UBE2K: variants seen among roughly 807,000 people sequenced by gnomAD.
UBE2K encodes the protein ubiquitin conjugating enzyme E2 K, also known as ubiquitin-conjugating enzyme E2 K.
In UBE2K, 6 loss-of-function variants were observed where a neutral mutation model predicts 30.0. The observed-to-expected ratio is 0.20, with a 90% CI of 0.11 to 0.39. UBE2K has a LOEUF of 0.39. UBE2K is among the 10% of genes least tolerant of loss of function. UBE2K has a pLI of 1.00. For synonymous variants in UBE2K, 86 were observed against 83.7 expected, an observed-to-expected ratio of 1.03 and a Z score of -0.15; for missense variants, 61 against 241.6, an observed-to-expected ratio of 0.25 and a Z score of 4.96.
rs774696556 is a variant in UBE2K, at chr4:39,756,715, CAT to C, written c.299+977_299+978del. Among the ~76,000 whole-genome samples the C allele has an allele frequency of 3.9e-5, 6 of 152,220 alleles. No homozygotes were observed. In the South Asian group the frequency reaches 1.2e-3, roughly 32 times the overall value. ...AAAGATGATAGTTAATTATTTAGCA[CAT>C]GATTTTATAGATGGAAAAACTAAGA... On this transcript the variant is annotated intron_variant, in intron 4 of 6. Transcript: ENST00000261427.
rs1353506902 is a variant in UBE2K, at chr4:39,769,227, TTC to T, written c.300-5606_300-5605del. On this transcript the variant is annotated intron_variant, in intron 4 of 6. Coordinates refer to ENST00000261427, the MANE Select transcript of UBE2K (RefSeq NM_005339.5). Reference sequence around the variant, plus strand: ...AGTTTCTTTTTGTTTTTTTTTTTTTTTCGTTTTGTTTTTTGTTTTTTATTTTG... The same window carrying T: ...AGTTTCTTTTTGTTTTTTTTTTTTTTGTTTTGTTTTTTGTTTTTTATTTTG... Among the ~76,000 whole-genome samples the T allele has an allele frequency of 9.8e-4, 148 of 150,862 alleles. 3 individuals are homozygous for T. The South Asian group carries it at 0.015, about 16-fold the overall frequency.
chr4:39,742,079 A>G (rs1720731103), intron 2 of UBE2K, among the ~76,000 whole-genome samples: 1 of 152,100 alleles, frequency 6.6e-6, no homozygotes, highest in Non-Finnish European at 1.5e-5. Flanking sequence ...CATTATTTAT[A>G]TAATATCTGT....
intron 1 of UBE2K, among the ~76,000 whole-genome samples, chr4:39,711,298 G>T (rs1364563304): frequency 6.6e-6 from 1 of 150,954 alleles, no homozygotes; most frequent in Non-Finnish European, 1.5e-5. Flanking sequence ...GAGTATCTGG[G>T]ACTACAGGCG....
intron 1 of UBE2K, among the ~76,000 whole-genome samples, chr4:39,734,646 A>G (rs1720257670): frequency 6.6e-6 from 1 of 152,006 alleles, no homozygotes; most frequent in South Asian, 2.1e-4. Context: ...CCCCCTCTCT[A>G]CTAAAAATTT....
intron 1 of UBE2K, among the ~76,000 whole-genome samples, chr4:39,700,125 A>G (rs1717926220): frequency 6.6e-6 from 1 of 152,174 alleles, no homozygotes; most frequent in African/African-American, 2.4e-5. Flanking sequence ...TTACGGTAAC[A>G]GAAACAGTAA....
intron 1 of UBE2K, among the ~76,000 whole-genome samples, chr4:39,706,774 A>G (rs1262795591): frequency 6.6e-6 from 1 of 152,068 alleles, no homozygotes; most frequent in Non-Finnish European, 1.5e-5. Context: ...CATTATTAAC[A>G]GTTACCGAAC....
chr4:39,699,730 A>G (rs1015937342), intron 1 of UBE2K, among the ~76,000 whole-genome samples: 3 of 152,212 alleles, frequency 2.0e-5, no homozygotes, highest in African/African-American at 7.2e-5. Context: ...CATTCTAAGT[A>G]TGTGATGAGT....
At chr4:39,719,843 T>G (rs1719323446) in intron 1 of UBE2K, among the ~76,000 whole-genome samples, 1 of 152,244 alleles carries the variant, frequency 6.6e-6, no homozygotes, top group Non-Finnish European at 1.5e-5. Context: ...TATTAGACAT[T>G]CAGTTATTTC....
intron 1 of UBE2K, among the ~76,000 whole-genome samples, chr4:39,698,935 T>C (rs1461691862): frequency 7.2e-5 from 11 of 152,188 alleles, no homozygotes; most frequent in African/African-American, 2.7e-4. Context: ...TAGTCCTTCT[T>C]AGTTGGGTGT....
intron 1 of UBE2K, among the ~76,000 whole-genome samples, chr4:39,731,223 A>C (rs1038973311): frequency 6.1e-5 from 4 of 65,784 alleles, no homozygotes; most frequent in African/African-American, 2.8e-4. Flanking sequence ...TGGATATCAG[A>C]AAATTTTAAA....
chr4:39,776,791 C>T (rs1713307756), intron 5 of UBE2K, among the ~76,000 whole-genome samples: 1 of 151,884 alleles, frequency 6.6e-6, no homozygotes, highest in African/African-American at 2.4e-5. Flanking sequence ...TATATATGTG[C>T]TATTTGTTCA....
In UBE2K at chr4:39,770,595, C is replaced by T. The variant is rs1271445313; in HGVS notation, c.300-4239C>T. 1.7e-5 allele frequency: 27 copies of T among 1,585,178 alleles called. No homozygotes were observed. The Admixed American group carries it at 4.9e-4, about 29-fold the overall frequency. Reference sequence around the variant, plus strand: ...GGTGGCCCCCACGCTGGCCCGGCCTCCCGGAGTCAACAGCAGGCTCTCCCC... The same window carrying T: ...GGTGGCCCCCACGCTGGCCCGGCCTTCCGGAGTCAACAGCAGGCTCTCCCC... On this transcript the variant is annotated intron_variant, in intron 4 of 6. Transcript: ENST00000261427.
chr4:39,733,872 T>C (rs1720210258), intron 1 of UBE2K, among the ~76,000 whole-genome samples: 1 of 152,196 alleles, frequency 6.6e-6, no homozygotes, highest in African/African-American at 2.4e-5. Flanking sequence ...CCATTCTCCA[T>C]GTCTTGCTTA....
At chr4:39,725,957 A>T (rs560487428) in intron 1 of UBE2K, among the ~76,000 whole-genome samples, 1 of 151,626 alleles carries the variant, frequency 6.6e-6, no homozygotes, top group African/African-American at 2.4e-5. Context: ...TTTTTAAAAT[A>T]GTATTGTAAA....
At chr4:39,743,207 G>C (rs1221186822) in intron 2 of UBE2K, among the ~76,000 whole-genome samples, 1 of 152,162 alleles carries the variant, frequency 6.6e-6, no homozygotes, top group African/African-American at 2.4e-5. Context: ...AAAGTCTCTT[G>C]TTTGACTTTT....
intron 1 of UBE2K, among the ~76,000 whole-genome samples, chr4:39,725,885 T>C (rs1719728193): frequency 2.0e-5 from 3 of 152,084 alleles, no homozygotes; most frequent in Admixed American, 2.0e-4. Flanking sequence ...TCAAGCAGTC[T>C]GTCCACCTTG....
intron 3 of UBE2K, among the ~76,000 whole-genome samples, chr4:39,746,376 T>G (rs1029690195): frequency 2.0e-5 from 3 of 152,218 alleles, no homozygotes; most frequent in African/African-American, 7.2e-5. Context: ...AAACTTATTT[T>G]TGGATTGAAC....
intron 1 of UBE2K, among the ~76,000 whole-genome samples, chr4:39,712,195 C>CTTT (rs34711359): frequency 2.1e-3 from 120 of 58,340 alleles, no homozygotes; most frequent in African/African-American, 2.9e-3. Context: ...CACCGACAAC[C>CTTT]TTTTTTTTTT....
chr4:39,770,342 G>T, intron 4 of UBE2K: 1 of 1,613,606 alleles, frequency 6.2e-7, no homozygotes, highest in Non-Finnish European at 8.5e-7. Flanking sequence ...GGTGGTTGAG[G>T]TTGTTGCTGT....
Sources: allele counts gnomAD v4.1 joint callset (sites outside exome capture counted in the v4.1 genomes callset), GRCh38; gene constraint gnomAD v4.1.1; transcripts MANE v1.5; gene names NCBI Gene and HGNC (gene_info 2026-07-23, HGNC 2026-07-21).